AHNAK2: variants seen among roughly 807,000 people sequenced by gnomAD.
AHNAK2 encodes the protein AHNAK nucleoprotein 2, also known as protein AHNAK2.
In AHNAK2, 18 loss-of-function variants were observed where a neutral mutation model predicts 30.7. The observed-to-expected ratio is 0.59, with a 90% CI of 0.41 to 0.87. AHNAK2 has a LOEUF of 0.87. AHNAK2 is among the 40% of genes least tolerant of loss of function. AHNAK2 has a pLI of 0.00. For synonymous variants in AHNAK2, 3,590 were observed against 3,073.8 expected (o/e 1.17, Z -5.56); for missense variants, 8,604 against 7,373.0 (o/e 1.17, Z -6.11).
chr14:104,959,073 G>C (rs1899059873), intron 1 of AHNAK2, among the ~76,000 whole-genome samples: 1 of 152,222 alleles, frequency 6.6e-6, no homozygotes, highest in African/African-American at 2.4e-5. Flanking sequence ...GCTGGCTTAT[G>C]CCTGTAATCC....
At chr14:104,975,194 A>G (rs1024024154) in intron 1 of AHNAK2, among the ~76,000 whole-genome samples, 6 of 152,344 alleles carry the variant, frequency 3.9e-5, no homozygotes, top group Admixed American at 2.0e-4. Context: ...GGCATGGAGA[A>G]GGCCGGGAGG....
At position 104,949,652 on chromosome 14, in the gene AHNAK2, C is replaced by T. The variant is rs776986172; in HGVS notation, c.5799G>A (p.Leu1933=). 1.3e-6 allele frequency: 2 copies of T among 1,588,212 alleles called. No individual in the cohort carries two copies. The highest frequency in any genetic ancestry group is 1.7e-6 in the Non-Finnish European group (2 of 1,163,166). ...CTTCCGCCTTGGGGCCTTTCAGGTC[C>T]AGCTTGGCGCCCTTAACATCTGTCT... ...GPQTDVKGAK[L]DLKGPKAEVT... is the part of the protein sequence containing the mutation. The change falls in exon 7 of 7, where the codon CTG becomes CTA. Residue 1933 remains leucine (L), a synonymous_variant. Transcript: ENST00000333244.
Position 104,953,857 on chromosome 14 carries a change from C to T in AHNAK2, c.1594G>A (p.Val532Met). The T allele has an allele frequency of 6.2e-7, 1 of 1,613,998 alleles. No homozygotes were observed. The highest frequency in any genetic ancestry group is 8.5e-7 in the Non-Finnish European group (1 of 1,179,892). ...KAGTGLKGEE[V>M]EGAGWMPGRE... is the part of the protein sequence containing the mutation. The stretch of plus-strand genomic sequence containing the variant: ...CCCGGCATCCACCCGGCTCCTTCCA[C>T]CTCCTCACCCTTCAGGCCAGTACCC... The change falls in exon 7 of 7, where the codon GTG becomes ATG. Residue 532 changes from valine to methionine, a missense_variant. Coordinates refer to ENST00000333244, the MANE Select transcript of AHNAK2 (RefSeq NM_138420.4).
intron 2 of AHNAK2, 43 bp downstream of exon 2, chr14:104,957,571 G>A (rs1465181630): frequency 1.0e-5 from 16 of 1,601,588 alleles, no homozygotes; most frequent in Non-Finnish European, 1.3e-5. Context: ...GGAGAATGGG[G>A]GCAGGGTATG....
In AHNAK2 at chr14:104,953,043, A is replaced by C; in HGVS notation, c.2408T>G (p.Val803Gly). 1.2e-6 allele frequency: 2 copies of C among 1,613,076 alleles called. No individual in the cohort carries two copies. Among genetic ancestry groups the C allele is most frequent in the Non-Finnish European group, 1.7e-6 (2 of 1,179,682 alleles). The change falls in exon 7 of 7, where the codon GTC (valine) becomes GGC (glycine). Residue 803 changes from valine (V) to glycine (G), a missense_variant. Coordinates refer to ENST00000333244, the MANE Select transcript of AHNAK2 (RefSeq NM_138420.4). ...KMSLSSMEVDVQAPRAKLDGA... is the reference protein window; with the variant it reads ...KMSLSSMEVDGQAPRAKLDGA... Reference sequence around the variant, plus strand: ...ATCCAGCTTTGCTCTCGGGGCCTGGACGTCCACCTCCATGCTGGACAGAGA... The same window carrying C: ...ATCCAGCTTTGCTCTCGGGGCCTGGCCGTCCACCTCCATGCTGGACAGAGA...
Position 104,941,449 on chromosome 14 carries a change from C to T in AHNAK2, c.14002G>A (p.Val4668Met). The stretch of plus-strand genomic sequence containing the variant: ...TCACCTTCATGAACAACAGATTCCA[C>T]AATGGGAAATGTGGAAGTCTTCTCA... ...FHEKTSTFPIVESVVHEGDLH... is the reference protein window; with the variant it reads ...FHEKTSTFPIMESVVHEGDLH... The change falls in exon 7 of 7, where the codon GTG becomes ATG. Residue 4668 changes from valine (V) to methionine (M), a missense_variant. By Grantham distance (21) the Val-to-Met change is conservative (BLOSUM62 1). Coordinates refer to ENST00000333244, the MANE Select transcript of AHNAK2 (RefSeq NM_138420.4). The T allele has an allele frequency of 6.2e-7, 1 of 1,612,650 alleles. No individual in the cohort carries two copies. The highest frequency in any genetic ancestry group is 8.5e-7 in the Non-Finnish European group (1 of 1,179,350).
Position 104,947,152 on chromosome 14 carries a change from C to T in AHNAK2, c.8299G>A (p.Val2767Met), listed in dbSNP as rs763365788. Residue 2767 changes from valine (V) to methionine (M), a missense_variant, in exon 7 of 7, where the codon GTG (valine) becomes ATG (methionine). By Grantham distance (21) the Val-to-Met change is conservative. Coordinates refer to ENST00000333244, the MANE Select transcript of AHNAK2 (RefSeq NM_138420.4). ...NVDLKGPKAE[V>M]TAPDVKMSLS... ...GACATCTTCACATCGGGGGCTGTCACTTCCGCCTTGGGGCCTTTCAGGTCC... is the reference window on the plus strand; with the variant it reads ...GACATCTTCACATCGGGGGCTGTCATTTCCGCCTTGGGGCCTTTCAGGTCC... 1.9e-6 allele frequency: 3 copies of T among 1,612,200 alleles called. No individual in the cohort carries two copies. Among genetic ancestry groups the T allele is most frequent in the South Asian group, 1.1e-5 (1 of 91,022 alleles).
intron 1 of AHNAK2, 58 bp from the exon 2 acceptor site, chr14:104,957,730 CG>C (rs1357146358): frequency 1.5e-5 from 23 of 1,543,374 alleles, no homozygotes; most frequent in Non-Finnish European, 1.9e-5. Context: ...GATCGGGGCC[CG>C]GGGGAGGGAG....
In AHNAK2 at chr14:104,956,577, GC is replaced by G; in HGVS notation, c.315+10del. The G allele has an allele frequency of 6.2e-7, 1 of 1,613,386 alleles. No individual in the cohort carries two copies. Among genetic ancestry groups the G allele is most frequent in the Non-Finnish European group, 8.5e-7 (1 of 1,179,508 alleles). On this transcript the variant is annotated intron_variant, in intron 4 of 6. Transcript: ENST00000333244. The stretch of plus-strand genomic sequence containing the variant: ...CACACCTCTGTGACCCTCAGCTCCT[GC>G]TGTACCCACCTCTGGACGACTCATC...
Position 104,954,881 on chromosome 14 carries a change from G to T in AHNAK2, c.651+76C>A. Reference sequence around the variant, plus strand: ...GCCCAGGGACAGATGGAGTGGGAGTGCTATCCCCTCCCAGGCTCAGCCAGC... The same window carrying T: ...GCCCAGGGACAGATGGAGTGGGAGTTCTATCCCCTCCCAGGCTCAGCCAGC... On this transcript the variant is annotated intron_variant, in intron 6 of 6. Transcript: ENST00000333244. The surrounding 1 kb of genome is among the most constrained non-coding windows in gnomAD (Gnocchi z 4.3). 6.4e-7 allele frequency: 1 copy of T among 1,550,436 alleles called. No homozygotes were observed. Among genetic ancestry groups the T allele is most frequent in the East Asian group, 2.3e-5 (1 of 44,148 alleles).
rs188573568 is a variant in AHNAK2 at position 104,952,003 on chromosome 14, A to T, written c.3448T>A (p.Ser1150Thr). Reference sequence around the variant, plus strand: ...GCAGTCACATCCTTGTCGGCCAGGGACAGTTCCCCCTCCAGCCGCGCACTG... The same window carrying T: ...GCAGTCACATCCTTGTCGGCCAGGGTCAGTTCCCCCTCCAGCCGCGCACTG... Reference protein sequence around the residue: ...LDSARLEGELSLADKDVTAKD... With the variant: ...LDSARLEGELTLADKDVTAKD... The change falls in exon 7 of 7, where the codon TCC becomes ACC. Residue 1150 changes from serine (S) to threonine (T), a missense_variant. Physicochemically the swap from Ser to Thr is moderately conservative, Grantham distance 58. Transcript: ENST00000333244. The T allele has an allele frequency of 5.9e-5, 95 of 1,612,178 alleles. 1 individual carries two copies. Among genetic ancestry groups the T allele is most frequent in the Middle Eastern group, 3.3e-4 (2 of 6,040 alleles).
chr14:104,963,129 GA>G (rs1667561073), intron 1 of AHNAK2, among the ~76,000 whole-genome samples: 1 of 152,194 alleles, frequency 6.6e-6, no homozygotes, highest in Non-Finnish European at 1.5e-5. Context: ...CAACGGAAGA[GA>G]AAAAGCTCAG....
Position 104,950,872 on chromosome 14 carries a change from C to T in AHNAK2, c.4579G>A (p.Val1527Met), listed in dbSNP as rs376015261. The change falls in exon 7 of 7, where the codon GTG becomes ATG. Residue 1527 changes from valine (V) to methionine (M), a missense_variant. By Grantham distance (21) the Val-to-Met change is conservative (BLOSUM62 1). Transcript: ENST00000333244. ...DVSAPKVEAD[V>M]SLPSMQGDLK... is the part of the protein sequence containing the mutation. The stretch of plus-strand genomic sequence containing the variant: ...TCCCCCTGCATGGAGGGGAGGCTCA[C>T]GTCGGCCTCCACCTTCGGCGCAGAC... 800 of 1,576,002 alleles carry T rather than the reference C, an allele frequency of 5.1e-4. 65 individuals are homozygous for T. The African/African-American group carries it at 5.2e-3, about 10-fold the overall frequency.
rs1898887462 is a variant in AHNAK2 at position 104,953,979 on chromosome 14, G to T, written c.1472C>A (p.Thr491Lys). The change falls in exon 7 of 7, where the codon ACA becomes AAA. Residue 491 changes from threonine to lysine, a missense_variant. Thr to Lys is a moderately conservative substitution (Grantham distance 78). Coordinates refer to ENST00000333244, the MANE Select transcript of AHNAK2 (RefSeq NM_138420.4). ...TTCTGTGGAAAATGCAAATTTTGGT[G>T]TCTTTAAATCGTGTACTCGCACCCT... ...EIRVRVHDLK[T>K]PKFAFSTEKE... The T allele has an allele frequency of 3.7e-6, 6 of 1,613,872 alleles. No homozygotes were observed. The highest frequency in any genetic ancestry group is 5.1e-6 in the Non-Finnish European group (6 of 1,179,888).
intron 1 of AHNAK2, among the ~76,000 whole-genome samples, chr14:104,977,904 G>A (rs527911523): frequency 1.3e-5 from 2 of 152,272 alleles, no homozygotes; most frequent in South Asian, 4.1e-4. Context: ...GAGCGACAGA[G>A]ACGAGTCAGC....
rs771162628 is a variant in AHNAK2, at chr14:104,939,677, T to A, written c.15774A>T (p.Thr5258=). 6.2e-7 allele frequency: 1 copy of A among 1,613,940 alleles called. No homozygotes were observed. The highest frequency in any genetic ancestry group is 8.5e-7 in the Non-Finnish European group (1 of 1,179,900). Reference sequence around the variant, plus strand: ...CTGTGGATGATTTGCTCTCAGAAGCTGTCACTTCTGCATCTGCCTCTGGGA... The same window carrying A: ...CTGTGGATGATTTGCTCTCAGAAGCAGTCACTTCTGCATCTGCCTCTGGGA... ...LQLPEADAEV[T]ASESKSSTDI... Residue 5258 remains threonine, a synonymous_variant, in exon 7 of 7, where the codon ACA becomes ACT. Transcript: ENST00000333244.
chr14:104,938,770 A>G lies in AHNAK2; in HGVS notation c.16681T>C (p.Ser5561Pro). The change falls in exon 7 of 7, where the codon TCC becomes CCC. Residue 5561 changes from serine (S) to proline (P), a missense_variant. By Grantham distance (74) the Ser-to-Pro change is moderately conservative (BLOSUM62 -1). Transcript: ENST00000333244. ...APIQATPGVD[S>P]ISGDLQPDTG... The stretch of plus-strand genomic sequence containing the variant: ...TCAGGCTGGAGATCTCCAGAAATGG[A>G]GTCTACTCCTGGGGTGGCTTGTATG... 6.2e-7 allele frequency: 1 copy of G among 1,613,850 alleles called. No homozygotes were observed. The highest frequency in any genetic ancestry group is 8.5e-7 in the Non-Finnish European group (1 of 1,179,876).
At position 104,948,773 on chromosome 14, in the gene AHNAK2, C is replaced by T; in HGVS notation, c.6678G>A (p.Val2226=). 1 of 1,604,796 alleles carries T rather than the reference C, an allele frequency of 6.2e-7. No homozygotes were observed. The highest frequency in any genetic ancestry group is 8.5e-7 in the Non-Finnish European group (1 of 1,178,764). The change falls in exon 7 of 7, where the codon GTG becomes GTA. Residue 2226 remains valine (V), a synonymous_variant. Coordinates refer to ENST00000333244, the MANE Select transcript of AHNAK2 (RefSeq NM_138420.4). ...GCCCTTTGAGGCCGACTTCCTCGGG[C>T]ACAGGGCCCTCCAGGAGTTTCACGT... ...QVDVKLLEGP[V]PEEVGLKGHL...
chr14:104,953,472 T>G lies in AHNAK2; in HGVS notation c.1979A>C (p.Glu660Ala). ...CACTTCCTTTTCTGTCAGAATTTGT[T>G]CCTTTTTTAAGCGTTTTTCATCGTG... is the stretch of plus-strand genomic sequence containing the variant. ...LIHDEKRLKK[E>A]QILTEKEVAT... The change falls in exon 7 of 7, where the codon GAA becomes GCA. Residue 660 changes from glutamate to alanine, a missense_variant. Glu to Ala is a moderately radical substitution (Grantham distance 107). Coordinates refer to ENST00000333244, the MANE Select transcript of AHNAK2 (RefSeq NM_138420.4). The G allele has an allele frequency of 6.2e-7, 1 of 1,614,054 alleles. No individual in the cohort carries two copies. Among genetic ancestry groups the G allele is most frequent in the Non-Finnish European group, 8.5e-7 (1 of 1,179,894 alleles).
Sources: gnomAD v4.1 joint callset for allele counts (sites outside exome capture counted in the v4.1 genomes callset) on GRCh38, gnomAD v4.1.1 for gene constraint, Gnocchi (gnomAD v3.1) non-coding constraint, MANE v1.5 for transcripts, NCBI Gene and HGNC (gene_info 2026-07-23, HGNC 2026-07-21) for gene names.